NLRP4: variants seen among roughly 807,000 people sequenced by gnomAD.
NLRP4 encodes the protein NLR family pyrin domain containing 4.
NLRP4 carries 44 observed loss-of-function variants against 84.7 expected under a neutral mutation model. The observed-to-expected ratio is 0.52, with a 90% CI of 0.41 to 0.67. The LOEUF (loss-of-function observed/expected upper bound fraction) is 0.67. Among genes scored for constraint, NLRP4 ranks in the 30% least tolerant of loss-of-function variants. The pLI is 0.00. For synonymous variants in NLRP4, 544 were observed against 476.4 expected (o/e 1.14, Z -1.85); for missense variants, 1,260 against 1,219.4 (o/e 1.03, Z -0.50).
At chr19:55,849,996 T>G (rs1451124503) in intron 1 of NLRP4, among the ~76,000 whole-genome samples, 1 of 29,962 alleles carries the variant, frequency 3.3e-5, no homozygotes, top group African/African-American at 5.6e-5. Context: ...TTTCCGAGAC[T>G]GCGGTGTGAT....
chr19:55,858,860 A>G lies in NLRP4; in HGVS notation c.1467A>G (p.Glu489=). ...CVQELLVANF[E]KARRAHWIFL... is the part of the protein sequence containing the mutation. ...AGGAATTGCTAGTTGCCAATTTTGA[A>G]AAAGCAAGGAGAGCACATTGGATTT... is the stretch of plus-strand genomic sequence containing the variant. Residue 489 remains glutamate, a synonymous_variant, in exon 3 of 10, where the codon GAA becomes GAG. Coordinates refer to ENST00000301295, the MANE Select transcript of NLRP4 (RefSeq NM_134444.5). This position sits in a 1 kb window ranked among gnomAD's most constrained non-coding sequence, Gnocchi z 4.2. The G allele has an allele frequency of 6.2e-7, 1 of 1,614,220 alleles. No individual in the cohort carries two copies. Among genetic ancestry groups the G allele is most frequent in the Non-Finnish European group, 8.5e-7 (1 of 1,180,034 alleles).
In NLRP4 at chr19:55,852,048, T is replaced by G; in HGVS notation, c.-33T>G. 1 of 1,540,934 alleles carries G rather than the reference T, an allele frequency of 6.5e-7. No homozygotes were observed. ...TTATTTATTGTTCCTGGTCACTGTC[T>G]CTTTGAGGATTGGTATCTCTGCTCC... On this transcript the variant is annotated 5_prime_UTR_variant, in exon 2 of 10. Transcript: ENST00000301295.
At position 55,870,739 on chromosome 19, in the gene NLRP4, A is replaced by G. The variant is rs909814995; in HGVS notation, c.2355-88A>G. The G allele has an allele frequency of 8.8e-6, 8 of 909,126 alleles. No individual in the cohort carries two copies. In the African/African-American group the frequency reaches 1.3e-4, roughly 15 times the overall value. The allele number at this position is 909,126 out of a possible 1,614,324, so 56.3% of individuals were successfully genotyped here. ...AGCTGGGGAGTTTGTAAGATTATAG[A>G]AATATTACCCTGAATGTGAAATTAA... On this transcript the variant is annotated intron_variant, in intron 6 of 9. Coordinates refer to ENST00000301295, the MANE Select transcript of NLRP4 (RefSeq NM_134444.5).
chr19:55,855,102 C>T (rs1428351075), intron 2 of NLRP4, among the ~76,000 whole-genome samples: 1 of 152,088 alleles, frequency 6.6e-6, no homozygotes, highest in African/African-American at 2.4e-5. Context: ...CTCAGCTACC[C>T]TGGAAGCTGA....
At chr19:55,857,582 C>T (rs435148) in intron 2 of NLRP4, 92 bp from the exon 3 acceptor site, 515,542 of 1,237,872 alleles carry the variant, frequency 0.42, 110,735 homozygotes, top group East Asian at 0.67. Context: ...TGTGTAGACC[C>T]CTGGAAAGAT....
At chr19:55,868,704 G>A (rs1458083394) in intron 6 of NLRP4, among the ~76,000 whole-genome samples, 6 of 151,916 alleles carry the variant, frequency 3.9e-5, no homozygotes, top group South Asian at 2.1e-4. Context: ...GTTTCTCCAC[G>A]TTGGTCAGGC....
At chr19:55,852,435 T>C in intron 2 of NLRP4, 75 bp downstream of exon 2, 1 of 916,982 alleles carries the variant, frequency 1.1e-6, no homozygotes, top group Non-Finnish European at 1.7e-6. Flanking sequence ...GGTCTCTGCC[T>C]GTCTACAACA....
At chr19:55,874,735 C>T (rs1415859793) in intron 7 of NLRP4, among the ~76,000 whole-genome samples, 1 of 152,082 alleles carries the variant, frequency 6.6e-6, no homozygotes, top group African/African-American at 2.4e-5. Flanking sequence ...AAACTCCCCA[C>T]CATTTTTTGT....
rs149595310 is a variant in NLRP4, at chr19:55,875,660, G to A, written c.2526-1336G>A. ...TGCGATGTTTTTGTTTGGTGATTGA[G>A]TTGAACTTGAAAAGTAAATTTTAAA... is the stretch of plus-strand genomic sequence containing the variant. On this transcript the variant is annotated intron_variant, in intron 7 of 9. Coordinates refer to ENST00000301295, the MANE Select transcript of NLRP4 (RefSeq NM_134444.5). Among the ~76,000 whole-genome samples the A allele has an allele frequency of 7.9e-4, 120 of 152,264 alleles. No individual in the cohort carries two copies. The East Asian group carries it at 0.022, about 28-fold the overall frequency.
At chr19:55,872,705 A>G (rs1985232009) in intron 7 of NLRP4, among the ~76,000 whole-genome samples, 1 of 152,252 alleles carries the variant, frequency 6.6e-6, no homozygotes, top group Non-Finnish European at 1.5e-5. Context: ...TATAAGACTT[A>G]GATGATTAAG....
Position 55,839,479 on chromosome 19 carries a change from TAAA to T in NLRP4, c.-66+2559_-66+2561del, listed in dbSNP as rs56042909. Among the ~76,000 whole-genome samples, 1,086 of 135,554 alleles carry T rather than the reference TAAA, an allele frequency of 8.0e-3. 12 individuals carry two copies. The highest frequency in any genetic ancestry group is 0.025 in the African/African-American group (966 of 38,806). 88.9% of individuals were successfully genotyped at this position (135,554 alleles called of 152,430 possible). On this transcript the variant is annotated intron_variant, in intron 1 of 9. Transcript: ENST00000301295. ...CTGAAGTCTTCTGTGGGGGAAGAGT[TAAA>T]AAAAAAAAAAAAAGCTTTCAAAACT... is the stretch of plus-strand genomic sequence containing the variant.
chr19:55,874,269 T>C (rs1348464606), intron 7 of NLRP4, among the ~76,000 whole-genome samples: 1 of 152,192 alleles, frequency 6.6e-6, no homozygotes, highest in East Asian at 1.9e-4. Context: ...ATCACTTCAA[T>C]ATGTAATCAG....
chr19:55,875,301 G>T (rs1012661031), intron 7 of NLRP4, among the ~76,000 whole-genome samples: 33 of 152,274 alleles, frequency 2.2e-4, no homozygotes, highest in Admixed American at 1.8e-3. Flanking sequence ...CTATACAGAT[G>T]ATTTGAATGT....
chr19:55,870,690 T>A, intron 6 of NLRP4, 137 bp from the exon 7 acceptor site: 1 of 624,802 alleles, frequency 1.6e-6, no homozygotes, highest in South Asian at 2.2e-5. Flanking sequence ...GGAGGTGTTT[T>A]CAGATAATCC....
intron 2 of NLRP4, among the ~76,000 whole-genome samples, chr19:55,855,526 G>A (rs1390910549): frequency 2.6e-5 from 4 of 152,150 alleles, no homozygotes; most frequent in African/African-American, 7.2e-5. Flanking sequence ...GGGACTTCAG[G>A]GGACTGAAAG....
At chr19:55,849,969 C>A (rs1297583726) in intron 1 of NLRP4, among the ~76,000 whole-genome samples, 3 of 147,728 alleles carry the variant, frequency 2.0e-5, no homozygotes, top group Non-Finnish European at 4.4e-5. Flanking sequence ...GGTGTAATTT[C>A]CGTAGCTGCG....
intron 2 of NLRP4, among the ~76,000 whole-genome samples, chr19:55,853,805 CTT>C (rs770575328): frequency 2.7e-5 from 4 of 150,932 alleles, no homozygotes; most frequent in African/African-American, 7.4e-5. Flanking sequence ...CTCTCTCTCT[CTT>C]TCTCTTTCTT....
intron 1 of NLRP4, among the ~76,000 whole-genome samples, chr19:55,850,971 G>A (rs1229740429): frequency 2.6e-5 from 3 of 113,890 alleles, no homozygotes; most frequent in Admixed American, 2.4e-4. Flanking sequence ...TGTAATGTCC[G>A]TGGCTGCGGT....
intron 2 of NLRP4, among the ~76,000 whole-genome samples, chr19:55,856,676 C>T (rs141307507): frequency 0.015 from 2,343 of 151,902 alleles, 56 homozygotes; most frequent in African/African-American, 0.052. Context: ...CCACCACGCC[C>T]GGCTAATTTT....
Sources: gnomAD v4.1 joint callset for allele counts (sites outside exome capture counted in the v4.1 genomes callset) on GRCh38, gnomAD v4.1.1 for gene constraint, Gnocchi (gnomAD v3.1) non-coding constraint, MANE v1.5 for transcripts, NCBI Gene and HGNC (gene_info 2026-07-23, HGNC 2026-07-21) for gene names.